Variants in IMMP2L observed in about 807,000 individuals in gnomAD.
The protein encoded by IMMP2L is mitochondrial inner membrane protease subunit 2.
IMMP2L carries 18 observed loss-of-function variants against 19.3 expected under a neutral mutation model. That is an observed-to-expected ratio of 0.93 (90% confidence interval 0.64 to 1.38). IMMP2L has a LOEUF of 1.38. IMMP2L is among the 40% of genes most tolerant of loss of function. IMMP2L has a pLI of 0.00. For missense variants in IMMP2L, 233 were observed against 218.2 expected (o/e 1.07, Z -0.43); for synonymous variants, 76 against 73.0 (o/e 1.04, Z -0.21).
At chr7:111,462,007 AAAAAAACCT>A in intron 3 of IMMP2L, among the ~76,000 whole-genome samples, 1 of 151,964 alleles carries the variant, frequency 6.6e-6, no homozygotes, top group Admixed American at 6.6e-5. Context: ...CACAGAGATA[AAAAAAACCT>A]GGATGTGTAT....
chr7:111,118,179 T>C (rs1192761714), intron 3 of IMMP2L, among the ~76,000 whole-genome samples: 2 of 152,112 alleles, frequency 1.3e-5, no homozygotes, highest in African/African-American at 2.4e-5. Flanking sequence ...ACTCCTTTGA[T>C]AACTGAAAAC....
At chr7:111,349,286 G>A (rs1827893248) in intron 3 of IMMP2L, among the ~76,000 whole-genome samples, 2 of 152,012 alleles carry the variant, frequency 1.3e-5, no homozygotes, top group South Asian at 4.1e-4. Flanking sequence ...ATATGAAGGA[G>A]CACCTATGTT....
At chr7:110,838,786 G>T (rs970693504) in intron 5 of IMMP2L, among the ~76,000 whole-genome samples, 2 of 152,050 alleles carry the variant, frequency 1.3e-5, no homozygotes, top group Non-Finnish European at 2.9e-5. Context: ...CAGGTCCTAA[G>T]ACTTTATTTA....
At chr7:111,016,996 A>G (rs918668950) in intron 3 of IMMP2L, among the ~76,000 whole-genome samples, 2 of 129,162 alleles carry the variant, frequency 1.5e-5, no homozygotes, top group African/African-American at 3.0e-5. Context: ...TATATTACAT[A>G]TATTATATAT....
chr7:111,115,968 C>T (rs1351155580), intron 3 of IMMP2L, among the ~76,000 whole-genome samples: 1 of 152,198 alleles, frequency 6.6e-6, no homozygotes, highest in Non-Finnish European at 1.5e-5. Context: ...TGAGCCACCA[C>T]ATCCGGCCGG....
intron 5 of IMMP2L, among the ~76,000 whole-genome samples, chr7:110,718,697 G>C (rs1449569523): frequency 6.6e-6 from 1 of 152,110 alleles, no homozygotes; most frequent in East Asian, 1.9e-4. Flanking sequence ...GACAAAAGGA[G>C]TATGGGAGCC....
intron 3 of IMMP2L, among the ~76,000 whole-genome samples, chr7:111,107,786 G>C (rs1798714578): frequency 6.6e-6 from 1 of 151,990 alleles, no homozygotes; most frequent in Non-Finnish European, 1.5e-5. Context: ...TGCAACATTT[G>C]GCTGTTGCAA....
chr7:111,257,244 A>G (rs533458620), intron 3 of IMMP2L, among the ~76,000 whole-genome samples: 11 of 152,254 alleles, frequency 7.2e-5, no homozygotes, highest in East Asian at 5.8e-4. Flanking sequence ...AATAATATGA[A>G]ATAGTCCATA....
chr7:111,196,997 T>A (rs1809572139), intron 3 of IMMP2L, among the ~76,000 whole-genome samples: 1 of 152,218 alleles, frequency 6.6e-6, no homozygotes. Context: ...TTTTCGTTTA[T>A]GAAGTTTCCC....
At chr7:111,490,759 T>G (rs1455979801) in intron 2 of IMMP2L, among the ~76,000 whole-genome samples, 1 of 152,112 alleles carries the variant, frequency 6.6e-6, no homozygotes, top group Non-Finnish European at 1.5e-5. Context: ...TATTATCTAA[T>G]TAATAATTAA....
At chr7:110,890,976 T>TAC (rs999046653) in intron 4 of IMMP2L, among the ~76,000 whole-genome samples, 4 of 151,926 alleles carry the variant, frequency 2.6e-5, no homozygotes, top group African/African-American at 7.2e-5. Context: ...CAAATACATA[T>TAC]ACACACACAC....
In IMMP2L at chr7:111,256,480, T is replaced by C. The variant is rs376107016; in HGVS notation, c.239+230758A>G. On this transcript the variant is annotated intron_variant, in intron 3 of 5. Transcript: ENST00000405709. Reference sequence around the variant, plus strand: ...AATTTGGAAACCAACTCCAAATGAATAGAATATGTCAGTGAAATATCTCAT... The same window carrying C: ...AATTTGGAAACCAACTCCAAATGAACAGAATATGTCAGTGAAATATCTCAT... Among the ~76,000 whole-genome samples, 4 of 152,184 alleles carry C rather than the reference T, an allele frequency of 2.6e-5. No homozygotes were observed. The East Asian group carries it at 5.8e-4, about 22-fold the overall frequency.
intron 5 of IMMP2L, among the ~76,000 whole-genome samples, chr7:110,802,477 C>T (rs1562985235): frequency 6.6e-6 from 1 of 151,104 alleles, no homozygotes; most frequent in Non-Finnish European, 1.5e-5. Flanking sequence ...TATCCTATAC[C>T]ATTATTATTT....
At chr7:110,987,029 T>A (rs2129558923) in intron 3 of IMMP2L, among the ~76,000 whole-genome samples, 1 of 152,170 alleles carries the variant, frequency 6.6e-6, no homozygotes. Flanking sequence ...TGATGGACAA[T>A]AGTAGAGTAG....
At chr7:111,028,889 A>G (rs1827126137) in intron 3 of IMMP2L, among the ~76,000 whole-genome samples, 1 of 152,186 alleles carries the variant, frequency 6.6e-6, no homozygotes, top group Admixed American at 6.5e-5. Context: ...CTAAGCTGCA[A>G]AATAAGATTT....
intron 3 of IMMP2L, among the ~76,000 whole-genome samples, chr7:111,113,530 T>C (rs757563842): frequency 6.6e-6 from 1 of 152,180 alleles, no homozygotes; most frequent in Non-Finnish European, 1.5e-5. Context: ...ATTTATTTTT[T>C]TCTTTTAACT....
intron 3 of IMMP2L, among the ~76,000 whole-genome samples, chr7:111,313,247 T>A (rs2110309): frequency 0.33 from 49,695 of 151,924 alleles, 9,023 homozygotes; most frequent in South Asian, 0.61. Flanking sequence ...TAAAAGGAAA[T>A]AAATAGCTGC....
chr7:111,337,927 A>T (rs764139858), intron 3 of IMMP2L, among the ~76,000 whole-genome samples: 13 of 152,014 alleles, frequency 8.6e-5, no homozygotes, highest in Non-Finnish European at 1.6e-4. Context: ...TATGAGGTTT[A>T]CCAGAGATAC....
intron 5 of IMMP2L, among the ~76,000 whole-genome samples, chr7:110,736,223 G>C (rs1205696296): frequency 6.6e-6 from 1 of 152,160 alleles, no homozygotes; most frequent in East Asian, 1.9e-4. Context: ...AACCCCAAAA[G>C]CCTCAGGGTC....
Sources: allele counts gnomAD v4.1 joint callset (sites outside exome capture counted in the v4.1 genomes callset), GRCh38; gene constraint gnomAD v4.1.1; transcripts MANE v1.5; gene names NCBI Gene and HGNC (gene_info 2026-07-23, HGNC 2026-07-21).